The following DAB1 variants were observed in gnomAD, a reference collection of about 807,000 sequenced individuals.
The protein encoded by DAB1 is disabled homolog 1.
In DAB1, 15 loss-of-function variants were observed where a neutral mutation model predicts 64.6. That is an observed-to-expected ratio of 0.23 (90% CI 0.16 to 0.36). The LOEUF (loss-of-function observed/expected upper bound fraction) is 0.36, where lower values mean the gene tolerates loss of function less well. Among genes scored for constraint, DAB1 ranks in the 10% least tolerant of loss-of-function variants. The pLI is 1.00. For synonymous variants in DAB1, 235 were observed against 251.9 expected (o/e 0.93, Z 0.64); for missense variants, 596 against 706.7 (o/e 0.84, Z 1.78).
At chr1:58,255,895 T>G (rs1660917573) in intron 4 of DAB1, among the ~76,000 whole-genome samples, 1 of 152,212 alleles carries the variant, frequency 6.6e-6, no homozygotes, top group Non-Finnish European at 1.5e-5. Flanking sequence ...GTCTGTTTTG[T>G]AAATAGGGAA....
intron 4 of DAB1, among the ~76,000 whole-genome samples, chr1:58,339,404 G>A (rs1386406627): frequency 6.6e-6 from 1 of 152,126 alleles, no homozygotes; most frequent in Non-Finnish European, 1.5e-5. Context: ...TTGGCAGGGG[G>A]AAATGGAAGA....
At chr1:58,020,751 C>T (rs1279856178) in intron 5 of DAB1, among the ~76,000 whole-genome samples, 2 of 152,186 alleles carry the variant, frequency 1.3e-5, no homozygotes, top group African/African-American at 4.8e-5. Context: ...CGCCTGTAAT[C>T]CCAATGTTTT....
chr1:57,904,670 T>A (rs1644525154), intron 5 of DAB1, among the ~76,000 whole-genome samples: 1 of 151,900 alleles, frequency 6.6e-6, no homozygotes, highest in Admixed American at 6.6e-5. Context: ...ACAGCTGGAG[T>A]GAAGGCAGAG....
chr1:58,470,116 CTTTATTTATTTATTTA>C (rs72061301), intron 3 of DAB1, among the ~76,000 whole-genome samples: 56 of 144,984 alleles, frequency 3.9e-4, no homozygotes, highest in African/African-American at 4.5e-4. Flanking sequence ...GGGACTTTCT[CTTTATTTATTTATTTA>C]TTTATTTATT....
intron 3 of DAB1, among the ~76,000 whole-genome samples, chr1:58,488,151 T>C (rs1158534253): frequency 1.3e-5 from 2 of 152,202 alleles, no homozygotes; most frequent in African/African-American, 4.8e-5. Context: ...AAAATATAAC[T>C]ACATCATTAT....
intron 4 of DAB1, among the ~76,000 whole-genome samples, chr1:58,267,211 C>T (rs906693193): frequency 1.3e-5 from 2 of 152,118 alleles, no homozygotes. Context: ...CAGAGCTAGA[C>T]TCCATCTCAA....
At chr1:57,687,675 A>C (rs1257715671) in intron 6 of DAB1, among the ~76,000 whole-genome samples, 1 of 151,906 alleles carries the variant, frequency 6.6e-6, no homozygotes, top group Non-Finnish European at 1.5e-5. Flanking sequence ...CTATACTAAA[A>C]GGCTACAGTA....
chr1:57,405,393 C>T (rs1430402542), intron 1 of DAB1, among the ~76,000 whole-genome samples: 1 of 152,186 alleles, frequency 6.6e-6, no homozygotes, highest in Non-Finnish European at 1.5e-5. Context: ...CCAATGTACC[C>T]CTTGGTATAT....
intron 5 of DAB1, chr1:58,048,509 C>A (rs1200374171): frequency 1.3e-5 from 17 of 1,320,874 alleles, no homozygotes. Context: ...TCTGCTTCCT[C>A]CAGAGTAACC....
intron 4 of DAB1, among the ~76,000 whole-genome samples, chr1:57,108,951 C>T (rs1655410473): frequency 6.6e-6 from 1 of 152,178 alleles, no homozygotes; most frequent in South Asian, 2.1e-4. Context: ...TATTGAGAAC[C>T]ACATGAGATG....
intron 7 of DAB1, among the ~76,000 whole-genome samples, chr1:57,598,831 G>C (rs1439024027): frequency 6.6e-6 from 1 of 152,168 alleles, no homozygotes; most frequent in African/African-American, 2.4e-5. Context: ...TTTACATCCA[G>C]GGGCTCAGCA....
chr1:57,711,243 C>T (rs1647025914), intron 6 of DAB1, among the ~76,000 whole-genome samples: 1 of 152,228 alleles, frequency 6.6e-6, no homozygotes, highest in South Asian at 2.1e-4. Context: ...CCAAAGTTAG[C>T]TTGGCCTAAG....
At chr1:57,649,638 A>G (rs1646233574) in exon 7 of DAB1, 1 of 152,234 alleles carries the variant, frequency 6.6e-6, no homozygotes, top group East Asian at 1.9e-4. Flanking sequence ...ACTGAGAGTC[A>G]GGGCTCACCA....
intron 2 of DAB1, among the ~76,000 whole-genome samples, chr1:57,202,328 C>T (rs150383042): frequency 3.0e-4 from 45 of 152,242 alleles, no homozygotes; most frequent in Middle Eastern, 6.8e-3. Flanking sequence ...GAATGTGCAG[C>T]TTTACATTTT....
intron 2 of DAB1, among the ~76,000 whole-genome samples, chr1:57,272,866 G>A (rs1265532272): frequency 1.3e-5 from 2 of 152,150 alleles, no homozygotes; most frequent in African/African-American, 4.8e-5. Flanking sequence ...GGATAGGCTG[G>A]TGGCAAGATG....
intron 5 of DAB1, among the ~76,000 whole-genome samples, chr1:58,086,149 G>C (rs138842043): frequency 2.2e-4 from 33 of 151,118 alleles, no homozygotes; most frequent in Non-Finnish European, 3.4e-4. Context: ...ATTTTTAGTA[G>C]AGACGGGGTT....
intron 6 of DAB1, among the ~76,000 whole-genome samples, chr1:57,652,964 T>G (rs1022061115): frequency 1.3e-4 from 20 of 152,358 alleles, no homozygotes; most frequent in African/African-American, 4.6e-4. Context: ...CAATTTTACC[T>G]TGTTGCATTT....
chr1:58,402,911 A>C (rs1167620351), intron 3 of DAB1, among the ~76,000 whole-genome samples: 1 of 152,108 alleles, frequency 6.6e-6, no homozygotes, highest in Non-Finnish European at 1.5e-5. Flanking sequence ...CACCTTCTTG[A>C]CCTCTCTTGG....
intron 4 of DAB1, among the ~76,000 whole-genome samples, chr1:58,266,010 C>G (rs1295796262): frequency 6.8e-6 from 1 of 148,038 alleles, no homozygotes; most frequent in Non-Finnish European, 1.5e-5. Flanking sequence ...GAATTTTTCT[C>G]TGTCTCTATA....
Sources: allele counts gnomAD v4.1 joint callset (sites outside exome capture counted in the v4.1 genomes callset), GRCh38; gene constraint gnomAD v4.1.1; transcripts MANE v1.5; gene names NCBI Gene and HGNC (gene_info 2026-07-23, HGNC 2026-07-21).